FIGN: variants seen among roughly 807,000 people sequenced by gnomAD.
FIGN encodes the protein fidgetin, microtubule severing factor.
Under a neutral mutation model 51.3 loss-of-function variants are expected in FIGN, and 11 were observed. That is an observed-to-expected ratio of 0.21 (90% CI 0.13 to 0.35). The LOEUF (loss-of-function observed/expected upper bound fraction) is 0.35. FIGN is among the 10% of genes least tolerant of loss of function. The pLI is 1.00. For synonymous variants in FIGN, 407 were observed against 363.2 expected (o/e 1.12, Z -1.37); for missense variants, 857 against 943.6 (o/e 0.91, Z 1.20).
chr2:163,719,519 G>A (rs949558628), intron 2 of FIGN, among the ~76,000 whole-genome samples: 19 of 152,166 alleles, frequency 1.2e-4, no homozygotes, highest in Admixed American at 8.5e-4. Context: ...GAACGCTCTA[G>A]TGCTTGTTGC....
rs572101543 is a variant in FIGN, at chr2:163,702,551, T to C, written c.25+32352A>G. 1.5e-4 allele frequency among the ~76,000 whole-genome samples: 23 copies of C among 152,178 alleles called. No homozygotes were observed. In the South Asian group the frequency reaches 4.4e-3, roughly 29 times the overall value. On this transcript the variant is annotated intron_variant, in intron 2 of 2. Coordinates refer to ENST00000333129, the MANE Select transcript of FIGN (RefSeq NM_018086.4). ...TGATGTTTCCATTTCTCAAAGAAAG[T>C]TATGGTTGTAGCTCCAAACCAAAGG...
At chr2:163,640,322 T>G (rs1022980405) in intron 2 of FIGN, among the ~76,000 whole-genome samples, 3 of 152,132 alleles carry the variant, frequency 2.0e-5, no homozygotes, top group Non-Finnish European at 4.4e-5. Flanking sequence ...GAAGATACAG[T>G]TAATTTCTAA....
chr2:163,660,206 G>A (rs1360671494), intron 2 of FIGN, among the ~76,000 whole-genome samples: 1 of 152,140 alleles, frequency 6.6e-6, no homozygotes, highest in Non-Finnish European at 1.5e-5. Flanking sequence ...TAAGAGATTT[G>A]TTATTCTGGG....
At chr2:163,686,681 T>A (rs987887812) in intron 2 of FIGN, among the ~76,000 whole-genome samples, 9 of 152,014 alleles carry the variant, frequency 5.9e-5, no homozygotes, top group Non-Finnish European at 1.2e-4. Context: ...TCTAACAGTA[T>A]CTCATTTACT....
intron 2 of FIGN, among the ~76,000 whole-genome samples, chr2:163,720,405 G>A (rs761702330): frequency 6.6e-6 from 1 of 152,048 alleles, no homozygotes; most frequent in Non-Finnish European, 1.5e-5. Flanking sequence ...AATTTTAAAT[G>A]GTTTATTTGT....
At chr2:163,655,785 GCACACA>G (rs375367199) in intron 2 of FIGN, among the ~76,000 whole-genome samples, 14 of 143,894 alleles carry the variant, frequency 9.7e-5, no homozygotes, top group Non-Finnish European at 9.2e-5. Context: ...ACACACACAC[GCACACA>G]CACACACACA....
intron 2 of FIGN, among the ~76,000 whole-genome samples, chr2:163,638,109 C>G (rs1339586889): frequency 6.6e-6 from 1 of 151,890 alleles, no homozygotes; most frequent in African/African-American, 2.4e-5. Flanking sequence ...TTCCAATGAC[C>G]CTGCACAGAT....
intron 2 of FIGN, among the ~76,000 whole-genome samples, chr2:163,635,568 A>AAAAAT (rs1207646889): frequency 3.3e-5 from 5 of 152,226 alleles, no homozygotes; most frequent in Non-Finnish European, 5.9e-5. Flanking sequence ...ATCCTTTTTC[A>AAAAAT]AAAATAAAAT....
intron 2 of FIGN, among the ~76,000 whole-genome samples, chr2:163,660,609 T>G (rs1303622250): frequency 6.8e-6 from 1 of 148,082 alleles, no homozygotes; most frequent in Non-Finnish European, 1.5e-5. Context: ...TATTCAGACT[T>G]GACTGAGATT....
At chr2:163,733,372 G>T (rs906786453) in intron 2 of FIGN, among the ~76,000 whole-genome samples, 5 of 152,068 alleles carry the variant, frequency 3.3e-5, no homozygotes, top group Admixed American at 3.3e-4. Context: ...GTATCAATAC[G>T]GTGAACAGTC....
chr2:163,644,609 C>T (rs1045546865), intron 2 of FIGN, among the ~76,000 whole-genome samples: 4 of 152,074 alleles, frequency 2.6e-5, no homozygotes, highest in African/African-American at 9.7e-5. Flanking sequence ...GAAACACATC[C>T]ACATAAAAAC....
chr2:163,704,627 C>CTCTCTCTCAA, intron 2 of FIGN, among the ~76,000 whole-genome samples: 1 of 123,236 alleles, frequency 8.1e-6, no homozygotes, highest in Admixed American at 8.2e-5. Flanking sequence ...CTCTCTCTTT[C>CTCTCTCTCAA]TCTCTCTCTC....
At chr2:163,685,800 G>A (rs1308773640) in intron 2 of FIGN, among the ~76,000 whole-genome samples, 1 of 152,210 alleles carries the variant, frequency 6.6e-6, no homozygotes, top group Non-Finnish European at 1.5e-5. Context: ...GTGCTCGCCA[G>A]TAAACTGACT....
Position 163,734,899 on chromosome 2 carries a change from A to C in FIGN, c.25+4T>G. 1.9e-6 allele frequency: 3 copies of C among 1,607,022 alleles called. No individual in the cohort carries two copies. Among genetic ancestry groups the C allele is most frequent in the Non-Finnish European group, 2.5e-6 (3 of 1,177,334 alleles). ...AAAGGAAGTAAATTCCAAAACTGAC[A>C]TACCATAAACACTGGTGCTACTGAT... On this transcript the variant is annotated splice_donor_region_variant and intron_variant, in intron 2 of 2. Transcript: ENST00000333129.
rs541891961 is a variant in FIGN, at chr2:163,602,910, A to G, written c.*6642T>C. 6.6e-6 allele frequency: 1 copy of G among 152,136 alleles called. No individual in the cohort carries two copies. The highest frequency in any genetic ancestry group is 2.1e-4 in the South Asian group (1 of 4,822). 9.4% of individuals were successfully genotyped at this position (152,136 alleles called of 1,614,324 possible). On this transcript the variant is annotated 3_prime_UTR_variant, in exon 3 of 3. Coordinates refer to ENST00000333129, the MANE Select transcript of FIGN (RefSeq NM_018086.4). Reference sequence around the variant, plus strand: ...TATTACAGTGCCAACACCCAAGAAAATGAGATGCAATGGATTACAATTGAA... The same window carrying G: ...TATTACAGTGCCAACACCCAAGAAAGTGAGATGCAATGGATTACAATTGAA...
At chr2:163,656,804 A>G (rs116064121) in intron 2 of FIGN, among the ~76,000 whole-genome samples, 10 of 152,314 alleles carry the variant, frequency 6.6e-5, no homozygotes, top group Non-Finnish European at 1.5e-4. Flanking sequence ...TAAAATAGCA[A>G]TACTCTTATC....
rs71297448 is a variant in FIGN, at chr2:163,629,952, C to CTTTTTTTTTTTTTT, written c.26-18160_26-18147dup. On this transcript the variant is annotated intron_variant, in intron 2 of 2. Coordinates refer to ENST00000333129, the MANE Select transcript of FIGN (RefSeq NM_018086.4). ...CCAACATAGGGTGAAGAAAGGGGCA[C>CTTTTTTTTTTTTTT]TTTTTTTTTTTTTTTTTTTTTTTTT... 3.5e-4 allele frequency among the ~76,000 whole-genome samples: 20 copies of CTTTTTTTTTTTTTT among 56,928 alleles called. 1 individual carries two copies. Among genetic ancestry groups the CTTTTTTTTTTTTTT allele is most frequent in the African/African-American group, 1.4e-3 (19 of 13,352 alleles). 37.3% of individuals were successfully genotyped at this position (56,928 alleles called of 152,430 possible). A position where few individuals can be genotyped will look rare whatever the true frequency, so the allele number is the denominator to read the frequency against.
intron 2 of FIGN, among the ~76,000 whole-genome samples, chr2:163,625,918 A>G (rs1161711663): frequency 6.6e-6 from 1 of 152,164 alleles, no homozygotes; most frequent in Non-Finnish European, 1.5e-5. Context: ...CAATAAATGA[A>G]AAAGTACAAA....
intron 2 of FIGN, among the ~76,000 whole-genome samples, chr2:163,704,625 TTC>T (rs751888499): frequency 4.7e-4 from 17 of 36,364 alleles, no homozygotes; most frequent in South Asian, 3.7e-3. Context: ...GTCTCTCTCT[TTC>T]TCTCTCTCTC....
Sources: gnomAD v4.1 joint callset for allele counts (sites outside exome capture counted in the v4.1 genomes callset) on GRCh38, gnomAD v4.1.1 for gene constraint, MANE v1.5 for transcripts, NCBI Gene and HGNC (gene_info 2026-07-23, HGNC 2026-07-21) for gene names.